Variants in MGST1 observed in about 807,000 individuals in gnomAD.
MGST1 encodes the protein glutathione S-transferase 12.
In MGST1, 5 loss-of-function variants were observed where a neutral mutation model predicts 8.9. The ratio of observed to expected loss-of-function variants is 0.56; its 90% CI spans 0.29 to 1.19. The LOEUF (loss-of-function observed/expected upper bound fraction) is 1.19, where lower values mean the gene tolerates loss of function less well. Ranked by LOEUF, MGST1 falls within the 50% of genes most tolerant of loss-of-function variation. The pLI, the probability that MGST1 is intolerant of heterozygous loss-of-function variation, is 0.08. For missense variants in MGST1, 182 were observed against 187.4 expected (o/e 0.97, Z 0.17); for synonymous variants, 54 against 67.8 (o/e 0.80, Z 1.00).
chr12:16,368,063 A>C (rs1940225255), downstream of MGST1, among the ~76,000 whole-genome samples: 1 of 152,154 alleles, frequency 6.6e-6, no homozygotes, highest in African/African-American at 2.4e-5. Context: ...TAACGATCAA[A>C]AGGTAATTGT....
At chr12:16,476,942 A>G (rs745691138) in intron 4 of MGST1, among the ~76,000 whole-genome samples, 3 of 152,134 alleles carry the variant, frequency 2.0e-5, no homozygotes, top group Non-Finnish European at 2.9e-5. Flanking sequence ...TAATTTTATA[A>G]TCTTGAGCCA....
At position 16,450,179 on chromosome 12, in the gene MGST1, T is replaced by C. The variant is rs12422261; in HGVS notation, n.482+66575T>C. ...CTGTGTATGACACTTCTGTTTGCTT[T>C]GCATCTAAGCAACAGAAAGTAATCA... On this transcript the variant is annotated intron_variant and non_coding_transcript_variant, in intron 4 of 4. Coordinates refer to the MGST1 transcript ENST00000538857. Among the ~76,000 whole-genome samples, 895 of 152,076 alleles carry C rather than the reference T, an allele frequency of 5.9e-3. 26 individuals carry two copies. The East Asian group carries it at 0.08, about 14-fold the overall frequency.
intron 4 of MGST1, among the ~76,000 whole-genome samples, chr12:16,518,071 A>T (rs192388805): frequency 5.3e-5 from 8 of 152,334 alleles, no homozygotes; most frequent in Admixed American, 1.3e-4. Flanking sequence ...ACCACAACGC[A>T]TCCATGTGCC....
At chr12:16,551,356 G>A (rs762673735) in intron 4 of MGST1, 12 of 1,298,660 alleles carry the variant, frequency 9.2e-6, no homozygotes, top group Non-Finnish European at 1.2e-5. Context: ...ATAAAATGTG[G>A]TTAAGACCAT....
At chr12:16,531,333 A>G (rs1385651143) in intron 4 of MGST1, among the ~76,000 whole-genome samples, 1 of 152,032 alleles carries the variant, frequency 6.6e-6, no homozygotes, top group Non-Finnish European at 1.5e-5. Context: ...AACTAGGAAA[A>G]GTTAACATCA....
At chr12:16,551,290 T>A (rs1296812386) in intron 4 of MGST1, 1 of 1,612,626 alleles carries the variant, frequency 6.2e-7, no homozygotes. Context: ...CAAAGGATCA[T>A]GTTATTCTTT....
chr12:16,357,645 G>T lies in MGST1; in HGVS notation c.167G>T (p.Gly56Val), dbSNP rs1939781049. ...NPEDCVAFGK[G>V]ENAKKYLRTD... ...GAAGACTGTGTAGCATTTGGCAAAGGAGAAAATGCCAAGAAGTATCTTCGA... is the reference window on the plus strand; with the variant it reads ...GAAGACTGTGTAGCATTTGGCAAAGTAGAAAATGCCAAGAAGTATCTTCGA... Residue 56 changes from glycine (G) to valine (V), a missense_variant, in exon 3 of 4, where the codon GGA becomes GTA. Gly to Val is a moderately radical substitution (Grantham distance 109, BLOSUM62 -3). Coordinates refer to ENST00000396210, the MANE Select transcript of MGST1 (RefSeq NM_020300.5). 4 of 1,613,984 alleles carry T rather than the reference G, an allele frequency of 2.5e-6. No homozygotes were observed. The highest frequency in any genetic ancestry group is 3.4e-6 in the Non-Finnish European group (4 of 1,179,946).
chr12:16,587,329 GGTAA>G lies in MGST1; in HGVS notation n.483-2194_483-2191del, dbSNP rs1175348594. On this transcript the variant is annotated intron_variant and non_coding_transcript_variant, in intron 4 of 4. Transcript: ENST00000538857. The surrounding 1 kb of genome is among the most constrained non-coding windows in gnomAD (Gnocchi z 4.3). ...ACTGCAGTGTTACAGCTTTCTAAAT[GGTAA>G]GTAACTGTTTAAAAATTCCAAAGCA... Among the ~76,000 whole-genome samples, 3 of 152,092 alleles carry G rather than the reference GGTAA, an allele frequency of 2.0e-5. No individual in the cohort carries two copies. The highest frequency in any genetic ancestry group is 4.8e-5 in the African/African-American group (2 of 41,418).
At chr12:16,406,967 A>G (rs980572700) in intron 1 of MGST1, among the ~76,000 whole-genome samples, 1 of 152,200 alleles carries the variant, frequency 6.6e-6, no homozygotes, top group African/African-American at 2.4e-5. Flanking sequence ...CTGGAAAACA[A>G]TCTAGGCAAA....
chr12:16,433,412 T>C (rs184670682), intron 1 of MGST1, among the ~76,000 whole-genome samples: 14 of 152,084 alleles, frequency 9.2e-5, no homozygotes. Flanking sequence ...ACCATCACAG[T>C]GTGGTTTCGG....
chr12:16,551,185 T>C (rs1941976947), intron 4 of MGST1: 13 of 1,247,566 alleles, frequency 1.0e-5, no homozygotes, highest in African/African-American at 1.5e-5. Context: ...TAAAAGAATG[T>C]AGTGCTTTGT....
At chr12:16,380,355 T>C (rs544289048), downstream of MGST1, among the ~76,000 whole-genome samples, 4 of 152,326 alleles carry the variant, frequency 2.6e-5, no homozygotes, top group South Asian at 8.3e-4. Context: ...TTGTTCTCAT[T>C]GGTTTCAAAG....
intron 4 of MGST1, among the ~76,000 whole-genome samples, chr12:16,445,039 G>T (rs142541791): frequency 6.6e-6 from 1 of 151,420 alleles, no homozygotes; most frequent in Admixed American, 6.6e-5. Flanking sequence ...TGCTGAAACC[G>T]CCACATTCAT....
intron 4 of MGST1, among the ~76,000 whole-genome samples, chr12:16,455,320 T>TA (rs1941164269): frequency 6.6e-6 from 1 of 151,920 alleles, no homozygotes; most frequent in African/African-American, 2.4e-5. Flanking sequence ...TCTCCATTTT[T>TA]AAATGAAGAA....
Position 16,374,934 on chromosome 12 carries a change from G to T in MGST1, c.222-1188G>T, listed in dbSNP as rs138260447. On this transcript the variant is annotated intron_variant, in intron 3 of 3. Transcript: ENST00000535309. Reference sequence around the variant, plus strand: ...CTCACTCTGTTGCCCATGCTGAAGTGCAGTGGGACAATCACAGCTCACTGT... The same window carrying T: ...CTCACTCTGTTGCCCATGCTGAAGTTCAGTGGGACAATCACAGCTCACTGT... 4.0e-3 allele frequency among the ~76,000 whole-genome samples: 605 copies of T among 152,260 alleles called. 7 individuals are homozygous for T. The highest frequency in any genetic ancestry group is 0.014 in the African/African-American group (584 of 41,554).
chr12:16,360,122 G>C lies in MGST1; in HGVS notation c.221+2423G>C, dbSNP rs1351870082. Among the ~76,000 whole-genome samples the C allele has an allele frequency of 3.3e-5, 5 of 152,182 alleles. No homozygotes were observed. In the South Asian group the frequency reaches 6.2e-4, roughly 19 times the overall value. ...GGCTTTTCCGCATACTGAGAGAAGA[G>C]CGTCTCCAACAGAGCGGAGTTTCCA... On this transcript the variant is annotated intron_variant, in intron 3 of 3. Coordinates refer to ENST00000396210, the MANE Select transcript of MGST1 (RefSeq NM_020300.5).
At chr12:16,352,860 A>G (rs1295915393) in intron 1 of MGST1, among the ~76,000 whole-genome samples, 3 of 152,024 alleles carry the variant, frequency 2.0e-5, no homozygotes, top group African/African-American at 7.2e-5. Flanking sequence ...TGATGTTTCC[A>G]TTATCCTGCT....
intron 4 of MGST1, among the ~76,000 whole-genome samples, chr12:16,509,869 C>T (rs1175513661): frequency 6.6e-6 from 1 of 152,138 alleles, no homozygotes; most frequent in African/African-American, 2.4e-5. Flanking sequence ...GTGCCCAAAC[C>T]TGGTCGCAAG....
chr12:16,357,726 T>G (rs914845000), intron 3 of MGST1, 27 bp downstream of exon 3: 5 of 1,591,286 alleles, frequency 3.1e-6, no homozygotes, highest in Non-Finnish European at 4.3e-6. Context: ...TGAAATTACT[T>G]ACTTTATGAA....
Sources: gnomAD v4.1 joint callset for allele counts (sites outside exome capture counted in the v4.1 genomes callset) on GRCh38, gnomAD v4.1.1 for gene constraint, Gnocchi (gnomAD v3.1) non-coding constraint, MANE v1.5 for transcripts, NCBI Gene and HGNC (gene_info 2026-07-23, HGNC 2026-07-21) for gene names.